Variants in DNM3 observed in about 807,000 individuals in gnomAD.
DNM3 encodes the protein dynamin-3.
In DNM3, 47 loss-of-function variants were observed where a neutral mutation model predicts 101.6. That is an observed-to-expected ratio of 0.46 (90% CI 0.37 to 0.59). The LOEUF (loss-of-function observed/expected upper bound fraction) is 0.59, where lower values mean the gene tolerates loss of function less well. DNM3 is among the 20% of genes least tolerant of loss of function. DNM3 has a pLI of 0.00. For missense variants in DNM3, 849 were observed against 1,085.7 expected (o/e 0.78, Z 3.06); for synonymous variants, 385 against 387.9 (o/e 0.99, Z 0.09).
intron 12 of DNM3, among the ~76,000 whole-genome samples, chr1:172,092,563 G>T (rs6703318): frequency 6.6e-6 from 1 of 152,038 alleles, no homozygotes; most frequent in African/African-American, 2.4e-5. Context: ...ATGTCAACTC[G>T]TATGTTATTA....
rs140087796 is a variant in DNM3, at chr1:172,227,271, G to GATATATATATATATATATATAT, written c.1660-26289_1660-26268dup. Among the ~76,000 whole-genome samples the GATATATATATATATATATATAT allele has an allele frequency of 2.9e-3, 227 of 77,942 alleles. 3 individuals are homozygous for GATATATATATATATATATATAT. Among genetic ancestry groups the GATATATATATATATATATATAT allele is most frequent in the South Asian group, 4.3e-3 (9 of 2,110 alleles). The allele number at this position is 77,942 out of a possible 152,430, so 51.1% of individuals were successfully genotyped here. ...TTTTAATGGCTGGATAGTATTTTGT[G>GATATATATATATATATATATAT]ATATATATATATATATATATATATA... On this transcript the variant is annotated intron_variant, in intron 14 of 20. Coordinates refer to ENST00000627582, the MANE Select transcript of DNM3 (RefSeq NM_015569.5).
chr1:171,941,945 G>T (rs1196495708), intron 2 of DNM3, among the ~76,000 whole-genome samples: 1 of 152,168 alleles, frequency 6.6e-6, no homozygotes, highest in Non-Finnish European at 1.5e-5. Flanking sequence ...AAGGGGGTTT[G>T]TGATTAAGGA....
chr1:172,049,578 T>C (rs1462552112), intron 10 of DNM3, among the ~76,000 whole-genome samples: 1 of 152,168 alleles, frequency 6.6e-6, no homozygotes, highest in Non-Finnish European at 1.5e-5. Flanking sequence ...CCTCGGTTCA[T>C]GAAAAGAATA....
At chr1:172,113,620 CAA>C (rs34129992) in intron 13 of DNM3, among the ~76,000 whole-genome samples, 3 of 52,358 alleles carry the variant, frequency 5.7e-5, no homozygotes, top group African/African-American at 1.9e-4. Context: ...AACTCTGTCT[CAA>C]AAAAAAAAAA....
chr1:172,305,465 T>G (rs542072265), intron 15 of DNM3, among the ~76,000 whole-genome samples: 211 of 152,356 alleles, frequency 1.4e-3, no homozygotes, highest in African/African-American at 4.9e-3. Context: ...AAGGAGGAAC[T>G]GGTAGCATTC....
intron 14 of DNM3, among the ~76,000 whole-genome samples, chr1:172,209,633 T>G (rs1003966437): frequency 2.6e-5 from 4 of 151,998 alleles, no homozygotes; most frequent in African/African-American, 9.7e-5. Flanking sequence ...AATGCACTTC[T>G]GTGTCTGACG....
chr1:172,042,794 C>A (rs542896200), intron 8 of DNM3, among the ~76,000 whole-genome samples: 5 of 152,254 alleles, frequency 3.3e-5, no homozygotes, highest in African/African-American at 1.2e-4. Flanking sequence ...GTGTCCAGTT[C>A]ACACAAAGCT....
At chr1:172,177,492 A>G (rs1447543683) in intron 14 of DNM3, among the ~76,000 whole-genome samples, 1 of 151,872 alleles carries the variant, frequency 6.6e-6, no homozygotes, top group East Asian at 1.9e-4. Context: ...CCCTACACAT[A>G]AGGGGAAGTG....
intron 1 of DNM3, among the ~76,000 whole-genome samples, chr1:171,898,535 A>G (rs1347276790): frequency 1.3e-5 from 2 of 152,256 alleles, no homozygotes; most frequent in East Asian, 3.9e-4. Context: ...ATACATGTTC[A>G]TTAAAGGATA....
intron 14 of DNM3, among the ~76,000 whole-genome samples, chr1:172,152,141 C>A (rs989075275): frequency 2.0e-5 from 3 of 152,106 alleles, no homozygotes; most frequent in Non-Finnish European, 4.4e-5. Context: ...ACCTTGGCCT[C>A]CCAATGTGTT....
At chr1:171,844,381 A>G (rs1378891177) in intron 1 of DNM3, among the ~76,000 whole-genome samples, 1 of 152,236 alleles carries the variant, frequency 6.6e-6, no homozygotes, top group Non-Finnish European at 1.5e-5. Context: ...TCACTTGTGT[A>G]AATTCATTGT....
intron 4 of DNM3, among the ~76,000 whole-genome samples, chr1:172,014,931 T>C (rs1395338143): frequency 6.6e-6 from 1 of 152,158 alleles, no homozygotes; most frequent in Admixed American, 6.6e-5. Flanking sequence ...TGTGGGTCTA[T>C]TACCCACCTT....
At chr1:172,126,200 T>A (rs2056608714) in intron 13 of DNM3, among the ~76,000 whole-genome samples, 1 of 152,222 alleles carries the variant, frequency 6.6e-6, no homozygotes, top group African/African-American at 2.4e-5. Flanking sequence ...CTTCCTTTAT[T>A]GTAAAAGAAA....
At chr1:172,049,535 T>C (rs560588727) in intron 10 of DNM3, among the ~76,000 whole-genome samples, 1 of 152,308 alleles carries the variant, frequency 6.6e-6, no homozygotes, top group South Asian at 2.1e-4. Flanking sequence ...GGAGGACTCC[T>C]CACTGAGGAA....
chr1:172,341,774 A>C (rs1218638899), intron 17 of DNM3, among the ~76,000 whole-genome samples: 1 of 152,218 alleles, frequency 6.6e-6, no homozygotes, highest in East Asian at 1.9e-4. Context: ...TAAGTATAAA[A>C]ACCCTGGAAG....
At chr1:171,990,738 T>G (rs935541974) in intron 4 of DNM3, among the ~76,000 whole-genome samples, 7 of 152,140 alleles carry the variant, frequency 4.6e-5, no homozygotes, top group African/African-American at 1.7e-4. Flanking sequence ...GCATTGGTTC[T>G]CCAATTCTTA....
At chr1:172,028,388 T>C (rs2048361726) in intron 4 of DNM3, among the ~76,000 whole-genome samples, 1 of 152,174 alleles carries the variant, frequency 6.6e-6, no homozygotes, top group Admixed American at 6.5e-5. Context: ...AGACACAACG[T>C]ACCAGAATCT....
At chr1:172,277,444 A>G (rs922379236) in intron 15 of DNM3, among the ~76,000 whole-genome samples, 3 of 152,052 alleles carry the variant, frequency 2.0e-5, no homozygotes, top group East Asian at 1.9e-4. Flanking sequence ...AACTGTAGTC[A>G]TAGATTCTTG....
At chr1:172,226,648 G>C (rs886415118) in intron 14 of DNM3, among the ~76,000 whole-genome samples, 1 of 152,078 alleles carries the variant, frequency 6.6e-6, no homozygotes, top group Non-Finnish European at 1.5e-5. Context: ...ATTATTGGAA[G>C]AATTAAATGA....
Sources: allele counts gnomAD v4.1 joint callset (sites outside exome capture counted in the v4.1 genomes callset), GRCh38; gene constraint gnomAD v4.1.1; transcripts MANE v1.5; gene names NCBI Gene and HGNC (gene_info 2026-07-23, HGNC 2026-07-21).